Variants in MAP3K13 observed in about 807,000 individuals in gnomAD.
The protein encoded by MAP3K13 is leucine zipper-bearing kinase.
A neutral mutation model predicts 104.0 loss-of-function variants in MAP3K13; 52 were observed. The ratio of observed to expected loss-of-function variants is 0.50; its 90% CI spans 0.40 to 0.63. The LOEUF (loss-of-function observed/expected upper bound fraction) is 0.63. Among genes scored for constraint, MAP3K13 ranks in the 20% least tolerant of loss-of-function variants. The probability of loss-of-function intolerance (pLI) is 0.00; values close to 1 mark genes in which losing one functional copy is unlikely to be tolerated. For missense variants in MAP3K13, 914 were observed against 1,218.5 expected (o/e 0.75, Z 3.72); for synonymous variants, 394 against 442.2 (o/e 0.89, Z 1.37).
chr3:185,456,995 A>G (rs560023496), intron 7 of MAP3K13, among the ~76,000 whole-genome samples: 164 of 152,330 alleles, frequency 1.1e-3, no homozygotes, highest in Admixed American at 8.1e-3. Flanking sequence ...AAGACGGTCA[A>G]TATAAGTTTA....
Position 185,473,631 on chromosome 3 carries a change from T to A in MAP3K13, c.2300T>A (p.Leu767Ter). 6.2e-7 allele frequency: 1 copy of A among 1,614,190 alleles called. No individual in the cohort carries two copies. Among genetic ancestry groups the A allele is most frequent in the Non-Finnish European group, 8.5e-7 (1 of 1,180,030 alleles). The change falls in exon 11 of 14, where the codon TTG (leucine) becomes TAG (stop). Residue 767 changes from leucine (L) to a stop codon, truncating the protein, a stop_gained. Coordinates refer to ENST00000265026, the MANE Select transcript of MAP3K13 (RefSeq NM_004721.5). LOFTEE classifies it high-confidence loss of function. The surrounding 1 kb of genome is among the most constrained non-coding windows in gnomAD (Gnocchi z 4.9). ...LSKSPAHNPL[L>*]ENAQSSEKTE... Reference sequence around the variant, plus strand: ...AAGTCACCAGCACATAATCCTCTCTTGGAAAACGCCCAGAGTTCTGAGAAA... The same window carrying A: ...AAGTCACCAGCACATAATCCTCTCTAGGAAAACGCCCAGAGTTCTGAGAAA...
chr3:185,312,426 C>A (rs1013527925), intron 2 of MAP3K13, among the ~76,000 whole-genome samples: 16 of 152,196 alleles, frequency 1.1e-4, no homozygotes, highest in African/African-American at 3.6e-4. Context: ...GATTACCCCT[C>A]TGGTTCTATC....
intron 2 of MAP3K13, among the ~76,000 whole-genome samples, chr3:185,301,850 T>C (rs1036302490): frequency 2.0e-5 from 3 of 152,226 alleles, no homozygotes; most frequent in Non-Finnish European, 2.9e-5. Context: ...GCCAGTACTA[T>C]TCTGTTTTGA....
At chr3:185,296,263 C>T (rs1294605197) in intron 2 of MAP3K13, among the ~76,000 whole-genome samples, 8 of 152,052 alleles carry the variant, frequency 5.3e-5, no homozygotes, top group Non-Finnish European at 1.0e-4. Flanking sequence ...AACCAAAACC[C>T]TTCAGTTGCT....
At chr3:185,419,060 A>G (rs2108794075) in intron 1 of MAP3K13, among the ~76,000 whole-genome samples, 1 of 150,260 alleles carries the variant, frequency 6.7e-6, no homozygotes, top group East Asian at 2.0e-4. Context: ...TCTGTCACCC[A>G]GGCTGGAGTG....
chr3:185,367,796 A>G (rs6790080), intron 1 of MAP3K13, among the ~76,000 whole-genome samples: 76,803 of 151,800 alleles, frequency 0.51, 20,689 homozygotes, highest in Middle Eastern at 0.65. Flanking sequence ...AGGTCTCCCT[A>G]TGTCACCCAG....
At chr3:185,438,786 G>T (rs1715177056) in intron 3 of MAP3K13, among the ~76,000 whole-genome samples, 1 of 152,132 alleles carries the variant, frequency 6.6e-6, no homozygotes, top group South Asian at 2.1e-4. Flanking sequence ...ACAAATAAGT[G>T]GTAAGTGGCT....
chr3:185,413,209 G>A (rs948379926), intron 1 of MAP3K13, among the ~76,000 whole-genome samples: 1 of 152,196 alleles, frequency 6.6e-6, no homozygotes, highest in Admixed American at 6.5e-5. Context: ...GAAGGTAGTG[G>A]AGTACTGTGC....
chr3:185,485,590 G>A lies in MAP3K13; in HGVS notation c.*3134G>A, dbSNP rs947268630. ...TAGTAGCAGTCTCGGTGATCAGATC[G>A]ACTGTCTCGGTTATCAGATGACTGT... On this transcript the variant is annotated 3_prime_UTR_variant, in exon 14 of 14. Transcript: ENST00000265026. 2.0e-5 allele frequency: 3 copies of A among 151,980 alleles called. No individual in the cohort carries two copies. The highest frequency in any genetic ancestry group is 6.6e-5 in the Admixed American group (1 of 15,258). 9.4% of individuals were successfully genotyped at this position (151,980 alleles called of 1,614,324 possible).
At chr3:185,343,670 C>T (rs993448809) in intron 2 of MAP3K13, among the ~76,000 whole-genome samples, 1 of 152,138 alleles carries the variant, frequency 6.6e-6, no homozygotes, top group Non-Finnish European at 1.5e-5. Context: ...CCAGGATGGT[C>T]TCGATCTCTT....
intron 2 of MAP3K13, among the ~76,000 whole-genome samples, chr3:185,312,220 GA>G (rs1459666362): frequency 2.6e-5 from 4 of 152,212 alleles, no homozygotes; most frequent in Non-Finnish European, 5.9e-5. Flanking sequence ...GTATACTTCT[GA>G]CTGGTAGCTA....
chr3:185,385,830 CTG>C (rs1003170549), intron 1 of MAP3K13, among the ~76,000 whole-genome samples: 7 of 151,894 alleles, frequency 4.6e-5, no homozygotes, highest in African/African-American at 1.7e-4. Context: ...CTGCAAAATT[CTG>C]TCTCTACTAG....
intron 12 of MAP3K13, 43 bp downstream of exon 12, chr3:185,477,439 G>GAA (rs199791643): frequency 2.0e-6 from 3 of 1,485,120 alleles, no homozygotes; most frequent in Non-Finnish European, 2.8e-6. Flanking sequence ...GTGGAATGGG[G>GAA]AAAAAAAATC....
At chr3:185,286,795 G>A (rs1448079318) in intron 2 of MAP3K13, among the ~76,000 whole-genome samples, 3 of 151,934 alleles carry the variant, frequency 2.0e-5, no homozygotes, top group African/African-American at 7.2e-5. Context: ...GAGACTAGAG[G>A]CCTAGAGTAG....
chr3:185,476,166 C>T (rs573363784), intron 11 of MAP3K13, among the ~76,000 whole-genome samples: 15 of 152,038 alleles, frequency 9.9e-5, no homozygotes, highest in Admixed American at 2.6e-4. Context: ...GAACCTTTCT[C>T]ATGCCATTGT....
At chr3:185,303,607 A>G (rs1393874750) in intron 2 of MAP3K13, among the ~76,000 whole-genome samples, 3 of 151,924 alleles carry the variant, frequency 2.0e-5, no homozygotes, top group East Asian at 1.9e-4. Context: ...TTGTTTGCAT[A>G]TAATTATTCA....
rs10545329 is a variant in MAP3K13 at position 185,332,226 on chromosome 3, T to TC, written c.-86+46593dup. On this transcript the variant is annotated intron_variant, in intron 2 of 14. Coordinates refer to the MAP3K13 transcript ENST00000424227. ...CTTTAGGGATTGTACCAATGTGTAC[T>TC]CCCCCCCCCCATTATAAGAGTACTG... 2.6e-3 allele frequency among the ~76,000 whole-genome samples: 400 copies of TC among 151,274 alleles called. 1 individual carries two copies. The highest frequency in any genetic ancestry group is 0.026 in the East Asian group (131 of 5,124).
Position 185,299,182 on chromosome 3 carries a change from G to A in MAP3K13, c.-86+13539G>A, listed in dbSNP as rs186423273. Among the ~76,000 whole-genome samples the A allele has an allele frequency of 4.3e-4, 66 of 152,320 alleles. 1 individual carries two copies. The highest frequency in any genetic ancestry group is 7.8e-4 in the Admixed American group (12 of 15,306). On this transcript the variant is annotated intron_variant, in intron 2 of 14. Coordinates refer to the MAP3K13 transcript ENST00000424227. ...GAGAGTTGAGGTCACAAGGCAATCA[G>A]ATGAACTGAAATTCCAAAGAGAGGC...
intron 7 of MAP3K13, among the ~76,000 whole-genome samples, chr3:185,455,475 C>T (rs1276038589): frequency 1.8e-5 from 1 of 55,372 alleles, no homozygotes; most frequent in South Asian, 5.6e-4. Flanking sequence ...GAGATATATA[C>T]ATGATATATA....
Sources: gnomAD v4.1 joint callset for allele counts (sites outside exome capture counted in the v4.1 genomes callset) on GRCh38, gnomAD v4.1.1 for gene constraint, Gnocchi (gnomAD v3.1) non-coding constraint, MANE v1.5 for transcripts, NCBI Gene and HGNC (gene_info 2026-07-23, HGNC 2026-07-21) for gene names.